The following XPO1 variants were observed in gnomAD, a reference collection of about 807,000 sequenced individuals.
XPO1 encodes the protein exportin-1.
Under a neutral mutation model 133.3 loss-of-function variants are expected in XPO1, and 5 were observed. The ratio of observed to expected loss-of-function variants is 0.04; its 90% CI spans 0.02 to 0.08. XPO1 has a LOEUF of 0.08. Ranked by LOEUF, XPO1 falls within the 10% of genes least tolerant of loss-of-function variation. The pLI is 1.00. For missense variants in XPO1, 506 were observed against 1,267.5 expected, an observed-to-expected ratio of 0.40 and a Z score of 9.12; for synonymous variants, 419 against 408.2, an observed-to-expected ratio of 1.03 and a Z score of -0.32.
rs191102350 is a variant in XPO1, at chr2:61,481,734, C to T, written c.2973-453G>A. The stretch of plus-strand genomic sequence containing the variant: ...TGCTTGGATTACAGGCGTTTGCCAC[C>T]GTGCCCAGCCTTTTTATTTTTTGAG... On this transcript the variant is annotated intron_variant, in intron 23 of 24. Coordinates refer to ENST00000401558, the MANE Select transcript of XPO1 (RefSeq NM_003400.4). 2.7e-3 allele frequency among the ~76,000 whole-genome samples: 416 copies of T among 151,886 alleles called. 1 individual carries two copies. Among genetic ancestry groups the T allele is most frequent in the African/African-American group, 9.4e-3 (389 of 41,462 alleles).
intron 21 of XPO1, 47 bp from the exon 22 acceptor site, chr2:61,483,138 A>C (rs1430406633): frequency 1.3e-6 from 2 of 1,577,310 alleles, no homozygotes; most frequent in Non-Finnish European, 1.7e-6. Flanking sequence ...GACTGACAGC[A>C]CTCATGATAG....
chr2:61,510,288 C>T (rs1180905299), intron 4 of XPO1, among the ~76,000 whole-genome samples: 1 of 151,948 alleles, frequency 6.6e-6, no homozygotes, highest in Admixed American at 6.6e-5. Context: ...CAAAACAAAA[C>T]AAAAAAACAC....
intron 3 of XPO1, 30 bp from the exon 4 acceptor site, chr2:61,522,713 T>C (rs1157172555): frequency 6.6e-7 from 1 of 1,508,692 alleles, no homozygotes; most frequent in Non-Finnish European, 9.2e-7. Flanking sequence ...AGCATGTGAA[T>C]ATATTGCTTA....
chr2:61,537,800 A>T lies in XPO1; in HGVS notation c.-245T>A. ...ACACACACACCCGCCCCCCCCCAAA[A>T]GGGGAATTAATCTGGGGAATAAATG... is the stretch of plus-strand genomic sequence containing the variant. On this transcript the variant is annotated 5_prime_UTR_variant, in exon 1 of 25. Transcript: ENST00000401558. 9.3e-6 allele frequency: 1 copy of T among 107,502 alleles called. No homozygotes were observed. Among genetic ancestry groups the T allele is most frequent in the Non-Finnish European group, 2.2e-5 (1 of 46,488 alleles). 6.7% of individuals were successfully genotyped at this position (107,502 alleles called of 1,614,324 possible).
chr2:61,516,636 A>T (rs1244495349), intron 4 of XPO1, among the ~76,000 whole-genome samples: 4 of 151,380 alleles, frequency 2.6e-5, no homozygotes, highest in Admixed American at 2.6e-4. Flanking sequence ...CTGGTCTCGA[A>T]CTCCGGACCT....
rs931216507 is a variant in XPO1, at chr2:61,493,802, CTAATT to C, written c.1245+87_1245+91del. On this transcript the variant is annotated intron_variant, in intron 12 of 24. Transcript: ENST00000401558. ...AAGTTGTTGGGTTCTCTTTTTATAGCTAATTTATTTACACAGATTAGAAGTATTTG... is the reference window on the plus strand; with the variant it reads ...AAGTTGTTGGGTTCTCTTTTTATAGCTATTTACACAGATTAGAAGTATTTG... 3.8e-4 allele frequency: 514 copies of C among 1,363,334 alleles called. No homozygotes were observed. The African/African-American group carries it at 6.8e-3, about 18-fold the overall frequency. The allele number at this position is 1,363,334 out of a possible 1,614,324, so 84.5% of individuals were successfully genotyped here.
At chr2:61,514,359 G>A (rs1698249692) in intron 4 of XPO1, among the ~76,000 whole-genome samples, 1 of 152,154 alleles carries the variant, frequency 6.6e-6, no homozygotes, top group Non-Finnish European at 1.5e-5. Flanking sequence ...TTGGGAGGCT[G>A]AGGTGGGCTG....
intron 3 of XPO1, among the ~76,000 whole-genome samples, chr2:61,524,021 A>T (rs952268913): frequency 1.3e-5 from 2 of 152,238 alleles, no homozygotes; most frequent in East Asian, 1.9e-4. Context: ...TTTTAAAAAC[A>T]TATCTATTTA....
At chr2:61,509,499 G>T (rs946106878) in intron 4 of XPO1, among the ~76,000 whole-genome samples, 5 of 152,016 alleles carry the variant, frequency 3.3e-5, no homozygotes, top group Non-Finnish European at 7.4e-5. Context: ...GGTGCCGCAT[G>T]ACTGTAATCC....
chr2:61,494,236 A>C, intron 11 of XPO1, 145 bp from the exon 12 acceptor site: 1 of 727,946 alleles, frequency 1.4e-6, no homozygotes, highest in Non-Finnish European at 2.2e-6. Flanking sequence ...AATAGACAGC[A>C]AACTCTGGAG....
chr2:61,487,150 G>A (rs1384629917), intron 19 of XPO1, among the ~76,000 whole-genome samples: 1 of 151,946 alleles, frequency 6.6e-6, no homozygotes, highest in Non-Finnish European at 1.5e-5. Flanking sequence ...AAAGTGCTGG[G>A]ATTACAGGCA....
At chr2:61,515,918 C>T (rs1225979559) in intron 4 of XPO1, among the ~76,000 whole-genome samples, 1 of 85,752 alleles carries the variant, frequency 1.2e-5, no homozygotes, top group African/African-American at 5.7e-5. Flanking sequence ...CCCATCTCTA[C>T]TAAAAAAAAA....
rs200179766 is a variant in XPO1 at position 61,481,142 on chromosome 2, A to T, written c.3069+43T>A. On this transcript the variant is annotated intron_variant, in intron 24 of 24. Coordinates refer to ENST00000401558, the MANE Select transcript of XPO1 (RefSeq NM_003400.4). ...TCTACAATGTAACATAAAAGTGGTC[A>T]CATCTACCCCTAATATTTCTGCAAG... 5.3e-6 allele frequency: 7 copies of T among 1,317,802 alleles called. No individual in the cohort carries two copies. In the East Asian group the frequency reaches 1.2e-4, roughly 23 times the overall value. 81.6% of individuals were successfully genotyped at this position (1,317,802 alleles called of 1,614,324 possible).
intron 4 of XPO1, among the ~76,000 whole-genome samples, chr2:61,507,243 C>CAAAAAAAAAAAAAAA (rs55737388): frequency 1.1e-4 from 7 of 65,486 alleles, no homozygotes; most frequent in African/African-American, 2.6e-4. Flanking sequence ...GACTCCATCT[C>CAAAAAAAAAAAAAAA]AAAAAAAAAA....
intron 1 of XPO1, chr2:61,536,905 A>G (rs1699379164): frequency 6.5e-6 from 1 of 152,768 alleles, no homozygotes; most frequent in African/African-American, 2.4e-5. Flanking sequence ...GGCATCCTCC[A>G]CTGTACAAGG....
chr2:61,508,363 T>C (rs957786068), intron 4 of XPO1, among the ~76,000 whole-genome samples: 1 of 152,220 alleles, frequency 6.6e-6, no homozygotes, highest in Non-Finnish European at 1.5e-5. Context: ...ATGTAAATGT[T>C]CCAAATGCAA....
intron 11 of XPO1, chr2:61,494,393 T>C (rs895336968): frequency 3.9e-5 from 11 of 285,704 alleles, no homozygotes; most frequent in Non-Finnish European, 5.3e-5. Flanking sequence ...ACAACCCAAA[T>C]GTACCATCAC....
At chr2:61,531,180 G>A (rs959198491) in intron 2 of XPO1, among the ~76,000 whole-genome samples, 2 of 152,266 alleles carry the variant, frequency 1.3e-5, no homozygotes, top group Middle Eastern at 3.4e-3. Context: ...AACGACATAG[G>A]ACTTTTAGAG....
intron 20 of XPO1, chr2:61,485,349 A>G (rs988494767): frequency 6.4e-6 from 1 of 156,372 alleles, no homozygotes; most frequent in African/African-American, 2.4e-5. Flanking sequence ...TACCATGTGA[A>G]TGCTAAAATC....
Sources: allele counts gnomAD v4.1 joint callset (sites outside exome capture counted in the v4.1 genomes callset), GRCh38; gene constraint gnomAD v4.1.1; transcripts MANE v1.5; gene names NCBI Gene and HGNC (gene_info 2026-07-23, HGNC 2026-07-21).